Variants in GPS1 observed in about 807,000 individuals in gnomAD.
GPS1 encodes G protein pathway suppressor 1, also known as COP9 signalosome complex subunit 1.
In GPS1, 11 loss-of-function variants were observed where a neutral mutation model predicts 60.0. That is an observed-to-expected ratio of 0.18 (90% confidence interval 0.12 to 0.30). The LOEUF (loss-of-function observed/expected upper bound fraction) is 0.30. Ranked by LOEUF, GPS1 falls within the 10% of genes least tolerant of loss-of-function variation. The pLI is 1.00. For missense variants in GPS1, 543 were observed against 669.2 expected, an observed-to-expected ratio of 0.81 and a Z score of 2.08; for synonymous variants, 343 against 269.8, an observed-to-expected ratio of 1.27 and a Z score of -2.66.
chr17:82,057,189 T>A lies in GPS1; in HGVS notation c.*62T>A. 1.3e-6 allele frequency: 2 copies of A among 1,578,090 alleles called. No homozygotes were observed. The highest frequency in any genetic ancestry group is 1.7e-6 in the Non-Finnish European group (2 of 1,156,844). ...TCCCCACCTCCACGGACCTCGGACCTCCAGGCGGCTCAGTGCTGCCTGCGG... is the reference window on the plus strand; with the variant it reads ...TCCCCACCTCCACGGACCTCGGACCACCAGGCGGCTCAGTGCTGCCTGCGG... On this transcript the variant is annotated 3_prime_UTR_variant, in exon 13 of 13. Transcript: ENST00000578552.
upstream of GPS1, chr17:82,051,737 C>T (rs2030655330): frequency 2.8e-6 from 3 of 1,071,636 alleles, no homozygotes; most frequent in Non-Finnish European, 3.4e-6. This position sits in a 1 kb window ranked among gnomAD's most constrained non-coding sequence, Gnocchi z 4.1. Context: ...CGAGGCAGGC[C>T]CGGCACAGCG....
intron 1 of GPS1, chr17:82,052,519 C>G (rs561704070): frequency 3.8e-6 from 6 of 1,565,226 alleles, no homozygotes; most frequent in Non-Finnish European, 5.2e-6. Context: ...CCGGCCGCCC[C>G]TGCTGTGGCT....
intron 1 of GPS1, chr17:82,052,313 G>C: frequency 6.2e-7 from 1 of 1,613,024 alleles, no homozygotes; most frequent in Non-Finnish European, 8.5e-7. Flanking sequence ...CAGAATGAGG[G>C]ATAGCTCGGC....
At chr17:82,051,829 G>A, upstream of GPS1, 1 of 1,137,068 alleles carries the variant, frequency 8.8e-7, no homozygotes, top group Non-Finnish European at 1.1e-6. The surrounding 1 kb of genome is among the most constrained non-coding windows in gnomAD (Gnocchi z 4.1). Context: ...GGTGGGCGGC[G>A]GCCCCTTTAA....
chr17:82,054,549 C>T lies in GPS1; in HGVS notation c.348C>T (p.Gly116=), dbSNP rs758827950. The change falls in exon 4 of 13, where the codon GGC becomes GGT. Residue 116 remains glycine (G), a synonymous_variant. Coordinates refer to ENST00000578552, the MANE Select transcript of GPS1 (RefSeq NM_001321092.3). ...CACCCGACGCCATCCCTGAGAGCGG[C>T]GTGGAGCCCCCAGCCCTGGACACGG... ...QNAPDAIPES[G]VEPPALDTAW... is the part of the protein sequence containing the mutation. 7.0e-6 allele frequency: 11 copies of T among 1,576,536 alleles called. No homozygotes were observed. The highest frequency in any genetic ancestry group is 4.5e-5 in the East Asian group (2 of 44,350).
At chr17:82,051,418 C>G, upstream of GPS1, 2 of 1,391,016 alleles carry the variant, frequency 1.4e-6, no homozygotes, top group Non-Finnish European at 1.9e-6. The surrounding 1 kb of genome is among the most constrained non-coding windows in gnomAD (Gnocchi z 4.1). Flanking sequence ...GCGGAGCCTC[C>G]GGGGGCCTGG....
Position 82,054,882 on chromosome 17 carries a change from T to TG in GPS1, c.610-15dup, listed in dbSNP as rs757910030. The TG allele has an allele frequency of 7.3e-5, 114 of 1,571,352 alleles. No homozygotes were observed. In the East Asian group the frequency reaches 2.3e-3, roughly 32 times the overall value. On this transcript the variant is annotated splice_polypyrimidine_tract_variant and intron_variant, in intron 4 of 12. Transcript: ENST00000578552. Reference sequence around the variant, plus strand: ...TGGGGCGCCCGGGCTCACTTGGCTCTGCGCCCCCCCGCCAGGTCAGCGTCT... The same window carrying TG: ...TGGGGCGCCCGGGCTCACTTGGCTCTGGCGCCCCCCCGCCAGGTCAGCGTCT...
intron 6 of GPS1, 104 bp from the exon 7 acceptor site, chr17:82,055,636 G>A (rs1040578954): frequency 6.1e-5 from 46 of 753,122 alleles, no homozygotes; most frequent in Middle Eastern, 2.6e-4. Flanking sequence ...CCAGCGAGCC[G>A]GCTGGTGGTC....
chr17:82,051,356 A>G, upstream of GPS1: 4 of 1,464,992 alleles, frequency 2.7e-6, no homozygotes, highest in Non-Finnish European at 2.7e-6. This position sits in a 1 kb window ranked among gnomAD's most constrained non-coding sequence, Gnocchi z 4.1. Context: ...GGGGAGAAAC[A>G]ATCTATGAGG....
rs1466231720 is a variant in GPS1, at chr17:82,051,995, C to G, written c.33+31C>G. On this transcript the variant is annotated intron_variant, in intron 1 of 12. Transcript: ENST00000578552. This position sits in a 1 kb window ranked among gnomAD's most constrained non-coding sequence, Gnocchi z 4.1. ...GAGCCGAGGCCGCCCCGGGCCTCCG[C>G]GCCCCCGCGCCCCCCGCCACTGGGG... 2.9e-5 allele frequency: 33 copies of G among 1,146,532 alleles called. No individual in the cohort carries two copies. The highest frequency in any genetic ancestry group is 3.4e-5 in the Non-Finnish European group (32 of 932,344). The allele number at this position is 1,146,532 out of a possible 1,614,324, so 71.0% of individuals were successfully genotyped here.
chr17:82,055,050 T>C, intron 5 of GPS1, 75 bp downstream of exon 5: 1 of 1,592,704 alleles, frequency 6.3e-7, no homozygotes, highest in Non-Finnish European at 8.6e-7. Context: ...CTCCCCCACC[T>C]CATTCTCCCC....
Position 82,056,878 on chromosome 17 carries a change from C to T in GPS1, c.1293C>T (p.Thr431=), listed in dbSNP as rs1221556139. ...GGGACGTGGATCAGCGCAGCACCAC[C>T]TTTGAGAAGTCTCTGTTGATGGGCA... ...YARDVDQRST[T]FEKSLLMGKE... Residue 431 remains threonine (T), a synonymous_variant, in exon 12 of 13, where the codon ACC becomes ACT. Coordinates refer to ENST00000578552, the MANE Select transcript of GPS1 (RefSeq NM_001321092.3). 1.2e-6 allele frequency: 2 copies of T among 1,612,884 alleles called. No individual in the cohort carries two copies. Among genetic ancestry groups the T allele is most frequent in the South Asian group, 1.1e-5 (1 of 91,082 alleles).
intron 1 of GPS1, chr17:82,052,419 G>C (rs1369131938): frequency 6.2e-7 from 1 of 1,611,534 alleles, no homozygotes; most frequent in Admixed American, 1.7e-5. Context: ...GGGGACTTCA[G>C]CCTGAGCGCC....
In GPS1 at chr17:82,056,324, G is replaced by C; in HGVS notation, c.968G>C (p.Arg323Pro). 1 of 1,613,304 alleles carries C rather than the reference G, an allele frequency of 6.2e-7. No individual in the cohort carries two copies. The change falls in exon 9 of 13, where the codon CGA (arginine) becomes CCA (proline). Residue 323 changes from arginine to proline, a missense_variant. Coordinates refer to ENST00000578552, the MANE Select transcript of GPS1 (RefSeq NM_001321092.3). ...KLFLELEPQV[R>P]DIIFKFYESK... ...TTCTTGGAGCTGGAGCCACAGGTCC[G>C]AGACATCATCTTCAAATTCTACGAG...
At chr17:82,056,437 T>G (rs1356215819) in intron 9 of GPS1, 33 bp from the exon 10 acceptor site, 51 of 1,612,684 alleles carry the variant, frequency 3.2e-5, no homozygotes, top group African/African-American at 2.3e-4. Flanking sequence ...CTGCCTGGCC[T>G]CCTGTCCTGG....
chr17:82,051,915 G>C lies in GPS1; in HGVS notation c.-17G>C. The C allele has an allele frequency of 1.7e-6, 2 of 1,162,170 alleles. No individual in the cohort carries two copies. The highest frequency in any genetic ancestry group is 2.1e-6 in the Non-Finnish European group (2 of 942,094). 72.0% of individuals were successfully genotyped at this position (1,162,170 alleles called of 1,614,324 possible). ...GCCCCGGAAGTGGACGGCACGCCGC[G>C]GCGGGGTGGGTGCAAGATGCCGCTG... On this transcript the variant is annotated 5_prime_UTR_variant, in exon 1 of 13. Coordinates refer to ENST00000578552, the MANE Select transcript of GPS1 (RefSeq NM_001321092.3). This position sits in a 1 kb window ranked among gnomAD's most constrained non-coding sequence, Gnocchi z 4.1.
rs11077966 is a variant in GPS1 at position 82,054,573 on chromosome 17, G to A, written c.372G>A (p.Thr124=). The A allele has an allele frequency of 0.084, 134,968 of 1,597,612 alleles. 5,976 individuals carry two copies. Among genetic ancestry groups the A allele is most frequent in the African/African-American group, 0.13 (9,938 of 74,790 alleles). ...ESGVEPPALD[T]AWVEATRKKA... is the part of the protein sequence containing the mutation. The stretch of plus-strand genomic sequence containing the variant: ...GCGTGGAGCCCCCAGCCCTGGACAC[G>A]GCCTGGGTGGAGGCCACGCGGAAGA... Residue 124 remains threonine (T), a synonymous_variant, in exon 4 of 13, where the codon ACG becomes ACA. Coordinates refer to ENST00000578552, the MANE Select transcript of GPS1 (RefSeq NM_001321092.3).
intron 1 of GPS1, chr17:82,052,978 T>C (rs879726535): frequency 2.9e-5 from 8 of 271,412 alleles, no homozygotes; most frequent in Non-Finnish European, 4.2e-5. Flanking sequence ...GTGTAGTTGG[T>C]TGTCCCCTGT....
chr17:82,054,326 G>A (rs1277721107), intron 3 of GPS1, 184 bp from the exon 4 acceptor site: 8 of 886,332 alleles, frequency 9.0e-6, no homozygotes, highest in Non-Finnish European at 1.3e-5. Context: ...GTAGGCTCCT[G>A]GGGCAGCAGT....
Sources: gnomAD v4.1 joint callset for allele counts on GRCh38, gnomAD v4.1.1 for gene constraint, Gnocchi (gnomAD v3.1) non-coding constraint, MANE v1.5 for transcripts, NCBI Gene and HGNC (gene_info 2026-07-23, HGNC 2026-07-21) for gene names.